The following OR8B3 variants were observed in gnomAD, a reference collection of about 807,000 sequenced individuals.
The protein encoded by OR8B3 is olfactory receptor family 8 subfamily B member 3, also known as olfactory receptor 8B3.
For synonymous variants in OR8B3, 102 were observed against 135.4 expected (o/e 0.75, Z 1.71); for missense variants, 278 against 377.6 (o/e 0.74, Z 2.19).
chr11:124,400,459 A>G (rs908234334), upstream of OR8B3, among the ~76,000 whole-genome samples: 17 of 152,124 alleles, frequency 1.1e-4, no homozygotes, highest in African/African-American at 3.9e-4. Context: ...AAAACTTTGC[A>G]CCCTTTGACC....
rs990591134 is a variant in OR8B3 at position 124,397,004 on chromosome 11, G to T, written c.348C>A (p.Thr116=). Residue 116 remains threonine, a synonymous_variant, in exon 2 of 2, where the codon ACC becomes ACA. Coordinates refer to ENST00000641139, the MANE Select transcript of OR8B3 (RefSeq NM_001005467.2). ...CCACATAGCGATCATATGCCATTGA[G>T]GTCAACATGTAACATTCAGAGATGA... is the stretch of plus-strand genomic sequence containing the variant. The part of the protein sequence containing the change: ...FFVISECYML[T]SMAYDRYVAI... 6.2e-7 allele frequency: 1 copy of T among 1,613,702 alleles called. No homozygotes were observed. Among genetic ancestry groups the T allele is most frequent in the Non-Finnish European group, 8.5e-7 (1 of 1,179,854 alleles).
chr11:124,396,820 A>C lies in OR8B3; in HGVS notation c.532T>G (p.Leu178Val). ...TGGAGGAGGGGGAGTATGTCACACA[A>C]GTAATGGTTGATGATATTAGCACTG... ...FCSANIINHY[L>V]CDILPLLQLS... The change falls in exon 2 of 2, where the codon TTG becomes GTG. Residue 178 changes from leucine to valine, a missense_variant. Transcript: ENST00000641139. 1.2e-6 allele frequency: 2 copies of C among 1,611,350 alleles called. No homozygotes were observed. Among genetic ancestry groups the C allele is most frequent in the Non-Finnish European group, 1.7e-6 (2 of 1,178,186 alleles).
At chr11:124,401,222 C>CAGAGAG (rs3071311), upstream of OR8B3, among the ~76,000 whole-genome samples, 9,275 of 142,262 alleles carry the variant, frequency 0.065, 542 homozygotes, top group Admixed American at 0.18. Context: ...TGCAAAGAGA[C>CAGAGAG]AGAGAGAGAG....
chr11:124,401,627 G>C (rs145257250), upstream of OR8B3, among the ~76,000 whole-genome samples: 1 of 152,328 alleles, frequency 6.6e-6, no homozygotes, highest in African/African-American at 2.4e-5. Context: ...TAACAAAGAA[G>C]CTCTAATTTG....
At chr11:124,408,699 A>T in the OR8B3 span, among the ~76,000 whole-genome samples, 1 of 152,132 alleles carries the variant, frequency 6.6e-6, no homozygotes, top group African/African-American at 2.4e-5. Context: ...TCCATCTACT[A>T]TTTTAGGGAG....
At chr11:124,400,611 T>C (rs1860979085), upstream of OR8B3, among the ~76,000 whole-genome samples, 1 of 152,092 alleles carries the variant, frequency 6.6e-6, no homozygotes, top group South Asian at 2.1e-4. Flanking sequence ...CGATCTTGGC[T>C]CACGGAAGCC....
chr11:124,403,860 C>T (rs1216076502), upstream of OR8B3, among the ~76,000 whole-genome samples: 4 of 152,202 alleles, frequency 2.6e-5, no homozygotes, highest in African/African-American at 4.8e-5. Context: ...TCTGCAATCC[C>T]GGCACCTCGG....
chr11:124,402,995 T>C (rs1049101746), upstream of OR8B3, among the ~76,000 whole-genome samples: 3 of 152,172 alleles, frequency 2.0e-5, no homozygotes, highest in African/African-American at 7.2e-5. Flanking sequence ...AGTGTTTGTG[T>C]CCCTGGGTAC....
the OR8B3 span, chr11:124,404,510 T>C: frequency 6.6e-6 from 1 of 152,228 alleles, no homozygotes; most frequent in Non-Finnish European, 1.5e-5. Context: ...TTATAATATG[T>C]AACAGACTTT....
At chr11:124,401,766 T>C (rs1860998903), upstream of OR8B3, among the ~76,000 whole-genome samples, 1 of 152,172 alleles carries the variant, frequency 6.6e-6, no homozygotes, top group African/African-American at 2.4e-5. Flanking sequence ...GACAGAAGTA[T>C]CTGATCTAGG....
intron 1 of OR8B3, 91 bp from the exon 2 acceptor site, chr11:124,397,459 G>C (rs865903317): frequency 4.7e-6 from 3 of 639,386 alleles, no homozygotes; most frequent in African/African-American, 4.0e-5. Context: ...GTAGGAATTT[G>C]GGTGACTTCT....
rs369179839 is a variant in OR8B3 at position 124,396,548 on chromosome 11, C to A, written c.804G>T (p.Glu268Asp). 1.7e-5 allele frequency: 28 copies of A among 1,613,738 alleles called. No homozygotes were observed. The East Asian group carries it at 4.2e-4, about 24-fold the overall frequency. Residue 268 changes from glutamate (E) to aspartate (D), a missense_variant, in exon 2 of 2, where the codon GAG (glutamate) becomes GAT (aspartate). Transcript: ENST00000641139. ...AGAAAACAGAAGAAACTTTTCCCTGCTCCATAGATCCAGAAGAATATTTAA... is the reference window on the plus strand; with the variant it reads ...AGAAAACAGAAGAAACTTTTCCCTGATCCATAGATCCAGAAGAATATTTAA... ...MYIKYSSGSM[E>D]QGKVSSVFYT...
At position 124,396,529 on chromosome 11, in the gene OR8B3, C is replaced by A; in HGVS notation, c.823G>T (p.Val275Phe). 1 of 1,613,944 alleles carries A rather than the reference C, an allele frequency of 6.2e-7. No individual in the cohort carries two copies. The highest frequency in any genetic ancestry group is 8.5e-7 in the Non-Finnish European group (1 of 1,179,984). Reference protein sequence around the residue: ...GSMEQGKVSSVFYTNVVPMLN... With the variant: ...GSMEQGKVSSFFYTNVVPMLN... ...ATGGGCACCACATTAGTGTAGAAAA[C>A]AGAAGAAACTTTTCCCTGCTCCATA... The change falls in exon 2 of 2, where the codon GTT (valine) becomes TTT (phenylalanine). Residue 275 changes from valine to phenylalanine, a missense_variant. Physicochemically the swap from Val to Phe is conservative, Grantham distance 50. Coordinates refer to ENST00000641139, the MANE Select transcript of OR8B3 (RefSeq NM_001005467.2).
Position 124,396,462 on chromosome 11 carries a change from T to G in OR8B3, c.890A>C (p.Lys297Thr). The G allele has an allele frequency of 6.2e-7, 1 of 1,613,612 alleles. No individual in the cohort carries two copies. The highest frequency in any genetic ancestry group is 1.3e-5 in the African/African-American group (1 of 74,970). ...LIYSLRNKDV[K>T]VALRKALIKI... ...AATCAGAGCTTTCCTCAGTGCAACT[T>G]TGACATCCTTGTTCCTCAAACTGTA... The change falls in exon 2 of 2, where the codon AAA becomes ACA. Residue 297 changes from lysine (K) to threonine (T), a missense_variant. Coordinates refer to ENST00000641139, the MANE Select transcript of OR8B3 (RefSeq NM_001005467.2).
chr11:124,397,031 A>C lies in OR8B3; in HGVS notation c.321T>G (p.Phe107Leu). ...TCAACATGTAACATTCAGAGATGAC[A>C]AAAAAGAGAAAGAAAAACAGCTGAG... ...CMTQLFFFLFFVISECYMLTS... is the reference protein window; with the variant it reads ...CMTQLFFFLFLVISECYMLTS... The change falls in exon 2 of 2, where the codon TTT (phenylalanine) becomes TTG (leucine). Residue 107 changes from phenylalanine (F) to leucine (L), a missense_variant. Coordinates refer to ENST00000641139, the MANE Select transcript of OR8B3 (RefSeq NM_001005467.2). 6.2e-7 allele frequency: 1 copy of C among 1,612,544 alleles called. No homozygotes were observed.
At chr11:124,409,737 T>G in the OR8B3 span, among the ~76,000 whole-genome samples, 10 of 152,202 alleles carry the variant, frequency 6.6e-5, no homozygotes, top group Non-Finnish European at 1.0e-4. Context: ...GATAGAATTG[T>G]GCAGGCTTTG....
At chr11:124,403,155 TAG>T (rs1555071379), upstream of OR8B3, among the ~76,000 whole-genome samples, 1 of 152,250 alleles carries the variant, frequency 6.6e-6, no homozygotes, top group Non-Finnish European at 1.5e-5. Context: ...GGTAAGGTCA[TAG>T]ATCAACAGCA....
At chr11:124,399,529 C>T (rs185132831), upstream of OR8B3, among the ~76,000 whole-genome samples, 2 of 152,124 alleles carry the variant, frequency 1.3e-5, no homozygotes, top group South Asian at 2.1e-4. Flanking sequence ...ATTCATGGGC[C>T]GTTATTTCAA....
At chr11:124,409,262 C>T in the OR8B3 span, among the ~76,000 whole-genome samples, 8 of 152,174 alleles carry the variant, frequency 5.3e-5, no homozygotes, top group East Asian at 1.9e-4. Flanking sequence ...TCTGTGGCAG[C>T]GCTTACTTTC....
Sources: allele counts gnomAD v4.1 joint callset (sites outside exome capture counted in the v4.1 genomes callset), GRCh38; gene constraint gnomAD v4.1.1; transcripts MANE v1.5; gene names NCBI Gene and HGNC (gene_info 2026-07-23, HGNC 2026-07-21).